Variants in BBS12 observed in about 807,000 individuals in gnomAD.
BBS12 encodes chaperonin-containing T-complex member BBS12.
BBS12 carries 5 observed loss-of-function variants against 5.6 expected under a neutral mutation model. That is an observed-to-expected ratio of 0.89 (90% confidence interval 0.46 to 1.86). BBS12 has a LOEUF of 1.86. BBS12 is among the 40% of genes most tolerant of loss of function. The pLI is 0.01. For synonymous variants in BBS12, 308 were observed against 306.8 expected, an observed-to-expected ratio of 1.00 and a Z score of -0.04; for missense variants, 748 against 830.4, an observed-to-expected ratio of 0.90 and a Z score of 1.22.
chr4:122,716,095 C>G, the BBS12 span, among the ~76,000 whole-genome samples: 1 of 152,136 alleles, frequency 6.6e-6, no homozygotes, highest in Admixed American at 6.5e-5. Flanking sequence ...TAACAACACC[C>G]TCACTTCCTT....
chr4:122,709,410 G>A, the BBS12 span, among the ~76,000 whole-genome samples: 1 of 152,070 alleles, frequency 6.6e-6, no homozygotes, highest in Non-Finnish European at 1.5e-5. Context: ...ATAGACTACA[G>A]GACAACTATG....
At position 122,734,357 on chromosome 4, in the gene BBS12, C is replaced by T. The variant is rs973704676; in HGVS notation, c.-11+1473C>T. Reference sequence around the variant, plus strand: ...CCCGGCTCACTGCAAGCTCCACCTCCCGGGTTCTCGCCGTTCTTCTGCCTC... The same window carrying T: ...CCCGGCTCACTGCAAGCTCCACCTCTCGGGTTCTCGCCGTTCTTCTGCCTC... On this transcript the variant is annotated intron_variant, in intron 1 of 1. Transcript: ENST00000314218. Among the ~76,000 whole-genome samples, 3 of 152,192 alleles carry T rather than the reference C, an allele frequency of 2.0e-5. No homozygotes were observed. In the South Asian group the frequency reaches 6.2e-4, roughly 32 times the overall value.
In BBS12 at chr4:122,744,879, C is replaced by T. The variant is rs886059061; in HGVS notation, c.*854C>T. On this transcript the variant is annotated 3_prime_UTR_variant, in exon 2 of 2. Transcript: ENST00000314218. ...CCAATAGGTCTTTTTATTAGGCAGC[C>T]AGAATGTAGTGAAGGACAATTTATT... 1 of 167,042 alleles carries T rather than the reference C, an allele frequency of 6.0e-6. No homozygotes were observed. Among genetic ancestry groups the T allele is most frequent in the Non-Finnish European group, 1.5e-5 (1 of 68,126 alleles). 10.3% of individuals were successfully genotyped at this position (167,042 alleles called of 1,614,324 possible). A position where few individuals can be genotyped will look rare whatever the true frequency, so the allele number is the denominator to read the frequency against.
intron 1 of BBS12, 121 bp from the exon 2 acceptor site, chr4:122,741,762 A>G: frequency 1.2e-6 from 1 of 806,532 alleles, no homozygotes; most frequent in East Asian, 2.7e-5. Flanking sequence ...TGCACTGACC[A>G]CTTTTCATGG....
upstream of BBS12, chr4:122,731,749 T>A (rs542571603): frequency 2.0e-5 from 3 of 152,328 alleles, no homozygotes; most frequent in African/African-American, 7.2e-5. Context: ...AACTCCCTAT[T>A]AAGAGCTTCT....
Position 122,743,864 on chromosome 4 carries a change from C to T in BBS12, c.1972C>T (p.Gln658Ter), listed in dbSNP as rs2150737953. 6.2e-7 allele frequency: 1 copy of T among 1,605,142 alleles called. No homozygotes were observed. The highest frequency in any genetic ancestry group is 1.1e-5 in the South Asian group (1 of 89,380). The change falls in exon 2 of 2, where the codon CAG becomes TAG. Residue 658 changes from glutamine (Q) to a stop codon, truncating the protein, a stop_gained. Transcript: ENST00000314218. LOFTEE classifies it high-confidence loss of function. ...FNSDISNKLE[Q>*]IPRVYDVVTP... is the part of the protein sequence containing the mutation. ...TTCAGACATTTCAAATAAACTGGAG[C>T]AGATTCCGAGAGTTTATGACGTTGT... is the stretch of plus-strand genomic sequence containing the variant.
the BBS12 span, among the ~76,000 whole-genome samples, chr4:122,727,544 ATTTTTTT>A: frequency 3.6e-5 from 3 of 82,292 alleles, no homozygotes; most frequent in South Asian, 9.3e-4. Context: ...CCCCTGGCCA[ATTTTTTT>A]TTTTTTTTTT....
intron 1 of BBS12, among the ~76,000 whole-genome samples, chr4:122,740,311 T>C (rs1800849237): frequency 1.3e-5 from 2 of 152,198 alleles, no homozygotes; most frequent in Admixed American, 1.3e-4. Flanking sequence ...GAGTTCGCTG[T>C]GACTTGTAAT....
At chr4:122,722,507 C>T in the BBS12 span, among the ~76,000 whole-genome samples, 5,494 of 152,270 alleles carry the variant, frequency 0.036, 349 homozygotes, top group African/African-American at 0.12. Context: ...GTCTTTATAA[C>T]ATTGAGACTT....
At chr4:122,707,054 C>CTCTTTTTTT in the BBS12 span, among the ~76,000 whole-genome samples, 5 of 72,254 alleles carry the variant, frequency 6.9e-5, no homozygotes, top group Admixed American at 2.1e-4. Context: ...CTCTCTCTCT[C>CTCTTTTTTT]TTTTTTTTTT....
At chr4:122,702,220 G>A in the BBS12 span, among the ~76,000 whole-genome samples, 1 of 152,230 alleles carries the variant, frequency 6.6e-6, no homozygotes, top group Non-Finnish European at 1.5e-5. Flanking sequence ...TGGAACTACA[G>A]GCACATGCCA....
At position 122,742,031 on chromosome 4, in the gene BBS12, A is replaced by G. The variant is rs1800881566; in HGVS notation, c.139A>G (p.Ser47Gly). The part of the protein sequence containing the change: ...KFIIDEECHE[S>G]VLISSTVRLL... ...TATTATAGATGAAGAATGTCATGAA[A>G]GTGTATTAATCAGTTCAACAGTAAG... Residue 47 changes from serine (S) to glycine (G), a missense_variant, in exon 2 of 2, where the codon AGT becomes GGT. By Grantham distance (56) the Ser-to-Gly change is moderately conservative. Transcript: ENST00000314218. The G allele has an allele frequency of 1.9e-6, 3 of 1,613,964 alleles. No homozygotes were observed. The highest frequency in any genetic ancestry group is 4.5e-5 in the East Asian group (2 of 44,868).
the BBS12 span, among the ~76,000 whole-genome samples, chr4:122,700,650 C>T: frequency 3.3e-5 from 5 of 152,094 alleles, no homozygotes; most frequent in East Asian, 1.9e-4. Context: ...GTAACCGGTG[C>T]GCAGTAAAAC....
At chr4:122,710,483 A>G in the BBS12 span, among the ~76,000 whole-genome samples, 3 of 152,200 alleles carry the variant, frequency 2.0e-5, no homozygotes, top group African/African-American at 4.8e-5. Flanking sequence ...AGCCCCATAA[A>G]TGTAAGGAAT....
rs745395312 is a variant in BBS12 at position 122,742,388 on chromosome 4, G to A, written c.496G>A (p.Asp166Asn). The change falls in exon 2 of 2, where the codon GAT (aspartate) becomes AAT (asparagine). Residue 166 changes from aspartate (D) to asparagine (N), a missense_variant. Transcript: ENST00000314218. ...GTGTCCTTTTCTACAGGTCCCTTCA[G>A]ATACTGATTTGATAGAGGAATTGCA... ...SLCPFLQVPSDTDLIEELHGL... is the reference protein window; with the variant it reads ...SLCPFLQVPSNTDLIEELHGL... The A allele has an allele frequency of 1.9e-6, 3 of 1,614,080 alleles. No individual in the cohort carries two copies. The African/African-American group carries it at 4.0e-5, about 22-fold the overall frequency.
chr4:122,711,983 T>C, the BBS12 span, among the ~76,000 whole-genome samples: 1 of 152,112 alleles, frequency 6.6e-6, no homozygotes, highest in Admixed American at 6.6e-5. Context: ...GGCAAATTGG[T>C]CTCTCTCTCA....
chr4:122,733,290 T>A (rs570435228), intron 1 of BBS12, among the ~76,000 whole-genome samples: 41 of 151,912 alleles, frequency 2.7e-4, no homozygotes, highest in Non-Finnish European at 6.0e-4. Context: ...TAGATAAACG[T>A]TTTTACATGT....
At chr4:122,721,347 A>AG in the BBS12 span, among the ~76,000 whole-genome samples, 2 of 152,252 alleles carry the variant, frequency 1.3e-5, no homozygotes, top group Admixed American at 6.5e-5. Context: ...ATAGCACAGT[A>AG]GATGAGGGAG....
At chr4:122,716,012 C>T in the BBS12 span, among the ~76,000 whole-genome samples, 1 of 152,278 alleles carries the variant, frequency 6.6e-6, no homozygotes, top group South Asian at 2.1e-4. Context: ...ATAAGTTTCA[C>T]TTTTGAAGAC....
Sources: gnomAD v4.1 joint callset for allele counts (sites outside exome capture counted in the v4.1 genomes callset) on GRCh38, gnomAD v4.1.1 for gene constraint, MANE v1.5 for transcripts, NCBI Gene and HGNC (gene_info 2026-07-23, HGNC 2026-07-21) for gene names.